Variants in IL1RL1 observed in about 807,000 individuals in gnomAD.
IL1RL1 encodes interleukin 1 receptor like 1.
In IL1RL1, 32 loss-of-function variants were observed where a neutral mutation model predicts 50.9. The observed-to-expected ratio is 0.63, with a 90% CI of 0.47 to 0.84. The LOEUF is 0.84. Among genes scored for constraint, IL1RL1 ranks in the 40% least tolerant of loss-of-function variants. IL1RL1 has a pLI of 0.00. For synonymous variants in IL1RL1, 275 were observed against 236.0 expected, an observed-to-expected ratio of 1.17 and a Z score of -1.51; for missense variants, 773 against 662.9, an observed-to-expected ratio of 1.17 and a Z score of -1.82.
intron 1 of IL1RL1, among the ~76,000 whole-genome samples, chr2:102,329,357 G>T (rs1213152983): frequency 2.6e-5 from 4 of 151,964 alleles, no homozygotes; most frequent in Non-Finnish European, 2.9e-5. Flanking sequence ...ATTAAAGACT[G>T]AAATTTTAGA....
chr2:102,313,009 G>A (rs6543118), intron 1 of IL1RL1: 81,767 of 151,696 alleles, frequency 0.54, 22,371 homozygotes, highest in Middle Eastern at 0.66. Context: ...GAATACCATT[G>A]TGGACATAAT....
chr2:102,312,092 A>ATATATTAAATATAATATATATAATAT (rs1676532878), intron 1 of IL1RL1, among the ~76,000 whole-genome samples: 1 of 99,016 alleles, frequency 1.0e-5, no homozygotes, highest in Non-Finnish European at 2.0e-5. Context: ...TAACATTATT[A>ATATATTAAATATAATATATATAATAT]TATATTAAAT....
chr2:102,314,164 C>A (rs1221840218), intron 1 of IL1RL1, among the ~76,000 whole-genome samples: 3 of 139,272 alleles, frequency 2.2e-5, no homozygotes, highest in South Asian at 2.3e-4. Context: ...CAGCAGCAGT[C>A]GACACTTACT....
At chr2:102,315,543 C>T (rs370480915) in intron 1 of IL1RL1, among the ~76,000 whole-genome samples, 1 of 152,102 alleles carries the variant, frequency 6.6e-6, no homozygotes, top group African/African-American at 2.4e-5. Context: ...GGGTAAAGAC[C>T]GAGACTTTAG....
rs921140270 is a variant in IL1RL1 at position 102,343,125 on chromosome 2, A to C, written c.772A>C (p.Ile258Leu). The C allele has an allele frequency of 1.9e-5, 31 of 1,614,178 alleles. No homozygotes were observed. Among genetic ancestry groups the C allele is most frequent in the Non-Finnish European group, 2.5e-5 (29 of 1,180,018 alleles). The change falls in exon 7 of 11, where the codon ATT becomes CTT. Residue 258 changes from isoleucine to leucine, a missense_variant. Ile to Leu is a conservative substitution (Grantham distance 5). Transcript: ENST00000233954. ...AVLWQLNGTK[I>L]TDFGEPRIQQ... ...CCTGTGGCAGCTTAATGGAACAAAA[A>C]TTACAGACTTTGGTGAACCAAGAAT...
At position 102,322,883 on chromosome 2, in the gene IL1RL1, A is replaced by G. The variant is rs188535277; in HGVS notation, c.-150+11260A>G. On this transcript the variant is annotated intron_variant, in intron 1 of 10. Coordinates refer to ENST00000233954, the MANE Select transcript of IL1RL1 (RefSeq NM_016232.5). Reference sequence around the variant, plus strand: ...GCCTATTGTTGGGCTTCCTATAGGTATGATATGTAATATGTAGTCTTCTGT... The same window carrying G: ...GCCTATTGTTGGGCTTCCTATAGGTGTGATATGTAATATGTAGTCTTCTGT... Among the ~76,000 whole-genome samples, 222 of 152,256 alleles carry G rather than the reference A, an allele frequency of 1.5e-3. 2 individuals are homozygous for G. The highest frequency in any genetic ancestry group is 5.2e-3 in the African/African-American group (214 of 41,540).
At position 102,340,265 on chromosome 2, in the gene IL1RL1, G is replaced by A. The variant is rs773936345; in HGVS notation, c.440G>A (p.Trp147Ter). 3.2e-6 allele frequency: 5 copies of A among 1,584,670 alleles called. No individual in the cohort carries two copies. The South Asian group carries it at 4.7e-5, about 15-fold the overall frequency. ...TACAACTGGACAGCACCTCTTGAGTGGTTTAAGGTAAGAAGAAATTTGGAA... is the reference window on the plus strand; with the variant it reads ...TACAACTGGACAGCACCTCTTGAGTAGTTTAAGGTAAGAAGAAATTTGGAA... ...DLYNWTAPLE[W>*]FKNCQALQGS... Residue 147 changes from tryptophan to a stop codon, truncating the protein, a stop_gained, in exon 4 of 11, where the codon TGG becomes TAG. Coordinates refer to ENST00000233954, the MANE Select transcript of IL1RL1 (RefSeq NM_016232.5). LOFTEE classifies it high-confidence loss of function.
At chr2:102,314,460 G>A (rs543454427) in intron 1 of IL1RL1, among the ~76,000 whole-genome samples, 34 of 152,304 alleles carry the variant, frequency 2.2e-4, no homozygotes, top group African/African-American at 7.5e-4. Context: ...AATAAAGATA[G>A]TGTCCACCAA....
At chr2:102,311,901 ATATGTTATATATTTTATT>A (rs1559591944) in intron 1 of IL1RL1, among the ~76,000 whole-genome samples, 2 of 55,830 alleles carry the variant, frequency 3.6e-5, no homozygotes, top group Non-Finnish European at 3.2e-5. Context: ...AATATATCAT[ATATGTTATATATTTTATT>A]ATATAATATA....
chr2:102,324,865 G>C (rs888733073), intron 1 of IL1RL1, among the ~76,000 whole-genome samples: 5 of 152,190 alleles, frequency 3.3e-5, no homozygotes, highest in African/African-American at 1.2e-4. Context: ...AGCTCGAACT[G>C]GGTAGAGCCC....
intron 8 of IL1RL1, among the ~76,000 whole-genome samples, chr2:102,346,922 C>T (rs544211070): frequency 6.6e-6 from 1 of 152,320 alleles, no homozygotes; most frequent in African/African-American, 2.4e-5. Context: ...AGATTCTTCT[C>T]ACATTCATCA....
chr2:102,323,275 T>TATATATATATA (rs1559596435), intron 1 of IL1RL1, among the ~76,000 whole-genome samples: 17 of 28,682 alleles, frequency 5.9e-4, no homozygotes, highest in African/African-American at 2.0e-3. Context: ...ATATATATAG[T>TATATATATATA]GTGTGTGTGT....
chr2:102,343,933 A>G (rs1677685710), intron 8 of IL1RL1: 1 of 989,918 alleles, frequency 1.0e-6, no homozygotes, highest in Non-Finnish European at 1.2e-6. Context: ...GTGCTACTTT[A>G]TAATAAGACA....
Position 102,340,648 on chromosome 2 carries a change from T to C in IL1RL1, c.448-18T>C. The C allele has an allele frequency of 1.3e-6, 2 of 1,576,534 alleles. No individual in the cohort carries two copies. Among genetic ancestry groups the C allele is most frequent in the South Asian group, 1.2e-5 (1 of 84,520 alleles). On this transcript the variant is annotated intron_variant, in intron 4 of 10. Transcript: ENST00000233954. ...AAGTGAAGAATTACTGAGAAGGAAA[T>C]GGAATTTCTTATTTCAGAATTGTCA...
At position 102,351,718 on chromosome 2, in the gene IL1RL1, A is replaced by T; in HGVS notation, c.1468A>T (p.Met490Leu). 6.2e-7 allele frequency: 1 copy of T among 1,614,134 alleles called. No homozygotes were observed. Among genetic ancestry groups the T allele is most frequent in the Non-Finnish European group, 8.5e-7 (1 of 1,179,996 alleles). The change falls in exon 11 of 11, where the codon ATG becomes TTG. Residue 490 changes from methionine (M) to leucine (L), a missense_variant. Coordinates refer to ENST00000233954, the MANE Select transcript of IL1RL1 (RefSeq NM_016232.5). ...IEMEALSELDMLQAEALQDSL... is the reference protein window; with the variant it reads ...IEMEALSELDLLQAEALQDSL... ...GATGGAGGCTCTGAGCGAGCTGGAC[A>T]TGCTGCAGGCTGAGGCGCTTCAGGA...
At chr2:102,333,607 T>C (rs543279127) in intron 1 of IL1RL1, among the ~76,000 whole-genome samples, 2 of 152,300 alleles carry the variant, frequency 1.3e-5, no homozygotes, top group East Asian at 1.9e-4. Context: ...TTTGTTTGTT[T>C]TTTTAAATTT....
chr2:102,342,228 C>A lies in IL1RL1; in HGVS notation c.616C>A (p.Gln206Lys). ...TATTTCTTTTTGTCTTTAAGATGAG[C>A]AAGGCTTTTCTCTGTTTCCAGTAAT... ...ATRSFTVKDE[Q>K]GFSLFPVIGA... Residue 206 changes from glutamine to lysine, a missense_variant, in exon 6 of 11, where the codon CAA becomes AAA. Physicochemically the swap from Gln to Lys is moderately conservative, Grantham distance 53 (BLOSUM62 1). Transcript: ENST00000233954. 6.2e-7 allele frequency: 1 copy of A among 1,606,994 alleles called. No individual in the cohort carries two copies. Among genetic ancestry groups the A allele is most frequent in the African/African-American group, 1.3e-5 (1 of 74,846 alleles).
chr2:102,327,618 A>C (rs1020386575), intron 1 of IL1RL1, among the ~76,000 whole-genome samples: 1 of 152,228 alleles, frequency 6.6e-6, no homozygotes, highest in Non-Finnish European at 1.5e-5. Context: ...CAAGACTAAT[A>C]AAGAAGAAAA....
rs1677526574 is a variant in IL1RL1, at chr2:102,340,771, C to T, written c.553C>T (p.His185Tyr). The change falls in exon 5 of 11, where the codon CAC (histidine) becomes TAC (tyrosine). Residue 185 changes from histidine to tyrosine, a missense_variant. Physicochemically the swap from His to Tyr is moderately conservative, Grantham distance 83 (BLOSUM62 2). Coordinates refer to ENST00000233954, the MANE Select transcript of IL1RL1 (RefSeq NM_016232.5). ...DAGDYTCKFI[H>Y]NENGANYSVT... ...AGGTGATTACACCTGTAAATTTATACACAATGAAAATGGAGCCAATTATAG... is the reference window on the plus strand; with the variant it reads ...AGGTGATTACACCTGTAAATTTATATACAATGAAAATGGAGCCAATTATAG... 1.3e-6 allele frequency: 2 copies of T among 1,591,266 alleles called. No individual in the cohort carries two copies. Among genetic ancestry groups the T allele is most frequent in the African/African-American group, 2.7e-5 (2 of 72,900 alleles).
Sources: allele counts gnomAD v4.1 joint callset (sites outside exome capture counted in the v4.1 genomes callset), GRCh38; gene constraint gnomAD v4.1.1; transcripts MANE v1.5; gene names NCBI Gene and HGNC (gene_info 2026-07-23, HGNC 2026-07-21).